INPP4B: variants seen among roughly 807,000 people sequenced by gnomAD.
INPP4B encodes inositol polyphosphate 4-phosphatase type II.
In INPP4B, 55 loss-of-function variants were observed where a neutral mutation model predicts 122.5. The ratio of observed to expected loss-of-function variants is 0.45; its 90% CI spans 0.36 to 0.56. The LOEUF is 0.56. INPP4B is among the 20% of genes least tolerant of loss of function. INPP4B has a pLI of 0.00. For missense variants in INPP4B, 1,000 were observed against 1,097.7 expected, an observed-to-expected ratio of 0.91 and a Z score of 1.26; for synonymous variants, 403 against 388.7, an observed-to-expected ratio of 1.04 and a Z score of -0.43.
At chr4:142,143,167 T>C (rs978428894) in intron 18 of INPP4B, among the ~76,000 whole-genome samples, 2 of 152,060 alleles carry the variant, frequency 1.3e-5, no homozygotes, top group Non-Finnish European at 2.9e-5. Context: ...ACTGAACCCA[T>C]ATCCCAGGAG....
chr4:142,123,549 G>A (rs1797464143), intron 19 of INPP4B, 134 bp from the exon 20 acceptor site: 1 of 815,078 alleles, frequency 1.2e-6, no homozygotes, highest in Non-Finnish European at 1.9e-6. Flanking sequence ...CTATTTGGTA[G>A]GCATAGTAAA....
At chr4:142,045,988 A>T (rs1173997196) in intron 25 of INPP4B, among the ~76,000 whole-genome samples, 1 of 151,996 alleles carries the variant, frequency 6.6e-6, no homozygotes, top group Non-Finnish European at 1.5e-5. Context: ...CAATAAATTG[A>T]TCTGGGAAAG....
chr4:142,455,684 G>A (rs929914658), intron 3 of INPP4B, among the ~76,000 whole-genome samples: 6 of 152,008 alleles, frequency 3.9e-5, no homozygotes, highest in Non-Finnish European at 7.4e-5. Flanking sequence ...CAGTGAGATT[G>A]CTGGATCATA....
intron 1 of INPP4B, among the ~76,000 whole-genome samples, chr4:142,746,656 A>G (rs1287570065): frequency 2.0e-5 from 3 of 152,162 alleles, no homozygotes; most frequent in African/African-American, 4.8e-5. Context: ...ACAGCATGGT[A>G]CTGGTACCAA....
At chr4:142,686,637 A>G (rs1759384260) in intron 2 of INPP4B, among the ~76,000 whole-genome samples, 1 of 152,106 alleles carries the variant, frequency 6.6e-6, no homozygotes, top group Non-Finnish European at 1.5e-5. Context: ...GAACATCACT[A>G]CTAAGTTTCA....
intron 7 of INPP4B, among the ~76,000 whole-genome samples, chr4:142,401,229 C>T (rs1486224149): frequency 6.6e-6 from 1 of 152,084 alleles, no homozygotes; most frequent in African/African-American, 2.4e-5. Context: ...ACCTTTTCCT[C>T]CACTTCTCTC....
At chr4:142,670,382 G>C (rs985364145) in intron 2 of INPP4B, among the ~76,000 whole-genome samples, 1 of 152,088 alleles carries the variant, frequency 6.6e-6, no homozygotes, top group Non-Finnish European at 1.5e-5. Flanking sequence ...TCAAGGTACT[G>C]AATCAACCTA....
chr4:142,246,828 A>G (rs1729131466), intron 11 of INPP4B, among the ~76,000 whole-genome samples: 1 of 152,096 alleles, frequency 6.6e-6, no homozygotes, highest in African/African-American at 2.4e-5. Context: ...AAATTCCATT[A>G]CTATGTTGAA....
At chr4:142,429,826 A>G (rs185370252) in intron 4 of INPP4B, among the ~76,000 whole-genome samples, 1 of 152,178 alleles carries the variant, frequency 6.6e-6, no homozygotes, top group Non-Finnish European at 1.5e-5. Flanking sequence ...CTGGGGACAA[A>G]GGTACAGAAA....
intron 2 of INPP4B, among the ~76,000 whole-genome samples, chr4:142,655,410 C>G (rs186577485): frequency 6.6e-6 from 1 of 152,288 alleles, no homozygotes; most frequent in African/African-American, 2.4e-5. Flanking sequence ...CAAACTCTTT[C>G]AGACCTGGCC....
At chr4:142,367,463 G>A (rs1172510550) in intron 7 of INPP4B, among the ~76,000 whole-genome samples, 1 of 151,982 alleles carries the variant, frequency 6.6e-6, no homozygotes, top group Non-Finnish European at 1.5e-5. Flanking sequence ...TCTACTAAGG[G>A]CTGATACTTC....
At chr4:142,643,466 G>A (rs1373039) in intron 2 of INPP4B, among the ~76,000 whole-genome samples, 120,136 of 152,096 alleles carry the variant, frequency 0.79, 47,876 homozygotes, top group East Asian at 0.85. Context: ...GAGCAATTCA[G>A]TGGAGGTGAA....
intron 25 of INPP4B, among the ~76,000 whole-genome samples, chr4:142,075,382 C>T (rs1770052501): frequency 6.6e-6 from 1 of 151,430 alleles, no homozygotes. Flanking sequence ...GAGTGCTGCT[C>T]TCTGGGGGCC....
intron 1 of INPP4B, among the ~76,000 whole-genome samples, chr4:142,751,334 T>A (rs929869449): frequency 6.8e-6 from 1 of 147,748 alleles, no homozygotes; most frequent in South Asian, 2.2e-4. Context: ...TGACCTCAAG[T>A]ATGGAGAGGG....
chr4:142,422,887 CA>C (rs376587830), intron 5 of INPP4B, among the ~76,000 whole-genome samples: 1 of 152,064 alleles, frequency 6.6e-6, no homozygotes, highest in African/African-American at 2.4e-5. Flanking sequence ...AATGAGGCAG[CA>C]AAATATAAAA....
intron 8 of INPP4B, among the ~76,000 whole-genome samples, chr4:142,309,599 T>G (rs1359594161): frequency 6.6e-6 from 1 of 152,210 alleles, no homozygotes; most frequent in Non-Finnish European, 1.5e-5. Flanking sequence ...AACCCAGGTT[T>G]CTTGCTTCTC....
At chr4:142,501,737 T>A (rs1188600546) in intron 2 of INPP4B, among the ~76,000 whole-genome samples, 1 of 152,010 alleles carries the variant, frequency 6.6e-6, no homozygotes, top group Non-Finnish European at 1.5e-5. Context: ...AGTTCCAGAC[T>A]TCATGATAAA....
In INPP4B at chr4:142,245,987, T is replaced by C. The variant is rs892676378; in HGVS notation, c.689-7976A>G. On this transcript the variant is annotated intron_variant, in intron 11 of 25. Coordinates refer to ENST00000262992, the MANE Select transcript of INPP4B (RefSeq NM_001101669.3). ...ATGTATACACACATGTGTGTATGTA[T>C]ACATATATATGTGTATGTATACACA... Among the ~76,000 whole-genome samples, 823 of 126,318 alleles carry C rather than the reference T, an allele frequency of 6.5e-3. 61 individuals carry two copies. Among genetic ancestry groups the C allele is most frequent in the African/African-American group, 0.016 (502 of 31,478 alleles). The allele number at this position is 126,318 out of a possible 152,430, so 82.9% of individuals were successfully genotyped here. A position where few individuals can be genotyped will look rare whatever the true frequency, so the allele number is the denominator to read the frequency against.
intron 2 of INPP4B, among the ~76,000 whole-genome samples, chr4:142,484,634 G>T (rs973770734): frequency 6.6e-6 from 1 of 152,104 alleles, no homozygotes; most frequent in African/African-American, 2.4e-5. Flanking sequence ...ATAGGTACAT[G>T]TACAGGATGT....
Sources: gnomAD v4.1 joint callset for allele counts (sites outside exome capture counted in the v4.1 genomes callset) on GRCh38, gnomAD v4.1.1 for gene constraint, MANE v1.5 for transcripts, NCBI Gene and HGNC (gene_info 2026-07-23, HGNC 2026-07-21) for gene names.